SORT1: variants seen among roughly 807,000 people sequenced by gnomAD.
SORT1 encodes the protein sortilin.
Under a neutral mutation model 101.7 loss-of-function variants are expected in SORT1, and 39 were observed. The observed-to-expected ratio is 0.38, with a 90% confidence interval of 0.30 to 0.50. The LOEUF (loss-of-function observed/expected upper bound fraction) is 0.50, where lower values mean the gene tolerates loss of function less well. SORT1 is among the 20% of genes least tolerant of loss of function. The pLI, the probability that SORT1 is intolerant of heterozygous loss-of-function variation, is 0.90. For synonymous variants in SORT1, 396 were observed against 393.7 expected (o/e 1.01, Z -0.07); for missense variants, 878 against 1,040.4 (o/e 0.84, Z 2.15).
rs5776972 is a variant in SORT1 at position 109,312,513 on chromosome 1, TAA to T, written c.*1528_*1529del. 2.7e-3 allele frequency: 375 copies of T among 141,506 alleles called. No individual in the cohort carries two copies. The highest frequency in any genetic ancestry group is 0.011 in the Middle Eastern group (3 of 276). The allele number at this position is 141,506 out of a possible 1,614,324, so 8.8% of individuals were successfully genotyped here. On this transcript the variant is annotated 3_prime_UTR_variant, in exon 20 of 20. Transcript: ENST00000256637. The stretch of plus-strand genomic sequence containing the variant: ...ACTAAAGTTAATTTGGCACTTCAAA[TAA>T]AAAAAAAAAAAAACACACAAAACTG...
At chr1:109,366,292 C>T (rs1285743577) in intron 3 of SORT1, among the ~76,000 whole-genome samples, 2 of 152,198 alleles carry the variant, frequency 1.3e-5, no homozygotes, top group East Asian at 3.8e-4. Context: ...CTACAAAGCA[C>T]TTTGGTAGGT....
At chr1:109,376,187 G>T (rs999493560) in intron 1 of SORT1, among the ~76,000 whole-genome samples, 6 of 151,906 alleles carry the variant, frequency 3.9e-5, no homozygotes, top group African/African-American at 1.4e-4. Flanking sequence ...AAAATTAGCC[G>T]GGCGTGGCGG....
rs1653278998 is a variant in SORT1 at position 109,397,697 on chromosome 1, C to G, written c.196G>C (p.Gly66Arg). The G allele has an allele frequency of 8.4e-7, 1 of 1,190,224 alleles. No individual in the cohort carries two copies. Among genetic ancestry groups the G allele is most frequent in the South Asian group, 2.7e-5 (1 of 37,100 alleles). 73.7% of individuals were successfully genotyped at this position (1,190,224 alleles called of 1,614,324 possible). A position where few individuals can be genotyped will look rare whatever the true frequency, so the allele number is the denominator to read the frequency against. ...CGGCCGCCGCGGGGAAACGCGCCCC[C>G]GGCTGCGGCCGCCCGCAGCCCCCAG... Reference protein sequence around the residue: ...VSWGLRAAAAGGAFPRGGRWR... With the variant: ...VSWGLRAAAARGAFPRGGRWR... The change falls in exon 1 of 20, where the codon GGG (glycine) becomes CGG (arginine). Residue 66 changes from glycine to arginine, a missense_variant. Transcript: ENST00000256637.
rs1028339745 is a variant in SORT1 at position 109,353,717 on chromosome 1, A to G, written c.708+650T>C. Among the ~76,000 whole-genome samples the G allele has an allele frequency of 3.9e-5, 6 of 152,196 alleles. No homozygotes were observed. In the East Asian group the frequency reaches 9.6e-4, roughly 24 times the overall value. Reference sequence around the variant, plus strand: ...TGATGAGAGAAGGCCATAAAAATGTAAAGTATAATTCTGATTATTATAGTC... The same window carrying G: ...TGATGAGAGAAGGCCATAAAAATGTGAAGTATAATTCTGATTATTATAGTC... On this transcript the variant is annotated intron_variant, in intron 5 of 19. Coordinates refer to ENST00000256637, the MANE Select transcript of SORT1 (RefSeq NM_002959.7).
chr1:109,341,006 GACTC>G, intron 9 of SORT1, 127 bp from the exon 10 acceptor site: 1 of 678,464 alleles, frequency 1.5e-6, no homozygotes, highest in Non-Finnish European at 2.4e-6. Context: ...TCATGATGAA[GACTC>G]AGACCTGAGA....
At chr1:109,332,489 G>A (rs1477985593) in intron 11 of SORT1, among the ~76,000 whole-genome samples, 2 of 152,130 alleles carry the variant, frequency 1.3e-5, no homozygotes, top group East Asian at 3.9e-4. Flanking sequence ...AGGATTGTGT[G>A]AGCCTAGGAG....
intron 1 of SORT1, chr1:109,392,650 C>G (rs1459040416): frequency 1.0e-6 from 1 of 984,986 alleles, no homozygotes; most frequent in Non-Finnish European, 1.2e-6. Flanking sequence ...GCTTTCTACT[C>G]TCATCCCAAC....
intron 16 of SORT1, 100 bp from the exon 17 acceptor site, chr1:109,317,058 C>T: frequency 1.3e-6 from 1 of 756,920 alleles, no homozygotes; most frequent in Non-Finnish European, 2.2e-6. Context: ...CGAAAAGCTT[C>T]CCATCCTTAC....
At chr1:109,355,692 C>T (rs562756605) in intron 3 of SORT1, among the ~76,000 whole-genome samples, 6 of 123,548 alleles carry the variant, frequency 4.9e-5, no homozygotes, top group Middle Eastern at 0.01. Flanking sequence ...GTTCAGGAAT[C>T]GGGGAGTGAC....
In SORT1 at chr1:109,327,169, T is replaced by A. The variant is rs766553288; in HGVS notation, c.1475-9A>T. ...GGCATCCCCCACGCTACCTGCAATATAATCCACCATCTCATTAGCACAAAT... is the reference window on the plus strand; with the variant it reads ...GGCATCCCCCACGCTACCTGCAATAAAATCCACCATCTCATTAGCACAAAT... On this transcript the variant is annotated splice_polypyrimidine_tract_variant and intron_variant, in intron 12 of 19. Coordinates refer to ENST00000256637, the MANE Select transcript of SORT1 (RefSeq NM_002959.7). 2 of 1,606,738 alleles carry A rather than the reference T, an allele frequency of 1.2e-6. No individual in the cohort carries two copies. The highest frequency in any genetic ancestry group is 2.7e-5 in the African/African-American group (2 of 74,750).
chr1:109,331,086 G>T (rs950427512), intron 11 of SORT1, among the ~76,000 whole-genome samples: 3 of 152,096 alleles, frequency 2.0e-5, no homozygotes, highest in Non-Finnish European at 4.4e-5. Context: ...TCCAAAAATT[G>T]AAGAGAATGG....
At chr1:109,341,966 A>C (rs1387026461) in intron 9 of SORT1, 48 bp downstream of exon 9, 1 of 1,573,044 alleles carries the variant, frequency 6.4e-7, no homozygotes, top group Non-Finnish European at 8.7e-7. Context: ...AGCTGCTCAA[A>C]GCTTACATCT....
In SORT1 at chr1:109,334,649, G is replaced by A. The variant is rs1426763171; in HGVS notation, c.1371+1591C>T. On this transcript the variant is annotated intron_variant, in intron 11 of 19. Coordinates refer to ENST00000256637, the MANE Select transcript of SORT1 (RefSeq NM_002959.7). ...AATACTGTATTGTTACTTGAAGTTT[G>A]CTAAGAGAATAGATCCTAAATGTTC... 3.9e-5 allele frequency among the ~76,000 whole-genome samples: 6 copies of A among 152,258 alleles called. No homozygotes were observed. In the East Asian group the frequency reaches 7.7e-4, roughly 20 times the overall value.
rs56126517 is a variant in SORT1, at chr1:109,387,298, AT to A, written c.306+10288del. 4.1e-3 allele frequency among the ~76,000 whole-genome samples: 618 copies of A among 152,234 alleles called. 2 individuals carry two copies. Among genetic ancestry groups the A allele is most frequent in the Non-Finnish European group, 6.9e-3 (470 of 68,014 alleles). On this transcript the variant is annotated intron_variant, in intron 1 of 19. Coordinates refer to ENST00000256637, the MANE Select transcript of SORT1 (RefSeq NM_002959.7). Reference sequence around the variant, plus strand: ...CAACAGTGAGACTCAGTCTCAAAAAATAAATAAATAAAAATAAATAACTTTA... The same window carrying A: ...CAACAGTGAGACTCAGTCTCAAAAAAAAATAAATAAAAATAAATAACTTTA...
intron 1 of SORT1, among the ~76,000 whole-genome samples, chr1:109,390,767 G>GTA (rs1390266159): frequency 7.0e-6 from 1 of 141,954 alleles, no homozygotes; most frequent in Non-Finnish European, 1.5e-5. Flanking sequence ...GTGTGTGTGT[G>GTA]TGTATGTGTG....
At position 109,397,703 on chromosome 1, in the gene SORT1, C is replaced by A; in HGVS notation, c.190G>T (p.Ala64Ser). The change falls in exon 1 of 20, where the codon GCA becomes TCA. Residue 64 changes from alanine to serine, a missense_variant. Around this residue, in one of 2 missense-constraint regions of SORT1, gnomAD observed 194 missense variants for 145.9 expected, o/e 1.33. Transcript: ENST00000256637. ...CCGCGGGGAAACGCGCCCCCGGCTG[C>A]GGCCGCCCGCAGCCCCCAGCTCACC... ...IGVSWGLRAA[A>S]AGGAFPRGGR... The A allele has an allele frequency of 8.4e-7, 1 of 1,189,592 alleles. No homozygotes were observed. The highest frequency in any genetic ancestry group is 2.7e-5 in the South Asian group (1 of 36,564). The allele number at this position is 1,189,592 out of a possible 1,614,324, so 73.7% of individuals were successfully genotyped here.
At chr1:109,361,541 T>C (rs1650720386) in intron 3 of SORT1, among the ~76,000 whole-genome samples, 1 of 152,214 alleles carries the variant, frequency 6.6e-6, no homozygotes, top group South Asian at 2.1e-4. Context: ...TGTAGGCTTT[T>C]TCAAGCATGC....
At chr1:109,340,971 A>C in intron 9 of SORT1, 92 bp from the exon 10 acceptor site, 1 of 1,002,830 alleles carries the variant, frequency 1.0e-6, no homozygotes, top group Non-Finnish European at 1.5e-6. Context: ...CTGCCTGACC[A>C]AACACAGTAG....
At chr1:109,324,740 G>A (rs1647874815) in intron 14 of SORT1, among the ~76,000 whole-genome samples, 159 bp downstream of exon 14, 1 of 152,146 alleles carries the variant, frequency 6.6e-6, no homozygotes, top group African/African-American at 2.4e-5. Flanking sequence ...TTTTTCTGAT[G>A]CCATTCCATT....
Sources: gnomAD v4.1 joint callset for allele counts (sites outside exome capture counted in the v4.1 genomes callset) on GRCh38, gnomAD v4.1.1 for gene constraint, gnomAD v4.1.1 regional missense constraint, MANE v1.5 for transcripts, NCBI Gene and HGNC (gene_info 2026-07-23, HGNC 2026-07-21) for gene names.